The following SRBD1 variants were observed in gnomAD, a reference collection of about 807,000 sequenced individuals.
The protein encoded by SRBD1 is S1 RNA binding domain 1, also known as S1 RNA-binding domain-containing protein 1.
Under a neutral mutation model 115.3 loss-of-function variants are expected in SRBD1, and 88 were observed. The ratio of observed to expected loss-of-function variants is 0.76; its 90% confidence interval spans 0.64 to 0.91. The LOEUF is 0.91. SRBD1 is among the 40% of genes least tolerant of loss of function. The pLI, the probability that SRBD1 is intolerant of heterozygous loss-of-function variation, is 0.00. For missense variants in SRBD1, 1,385 were observed against 1,177.4 expected, an observed-to-expected ratio of 1.18 and a Z score of -2.58; for synonymous variants, 509 against 407.7, an observed-to-expected ratio of 1.25 and a Z score of -2.99.
chr2:45,426,850 A>G (rs924661944), intron 16 of SRBD1, among the ~76,000 whole-genome samples: 3 of 152,326 alleles, frequency 2.0e-5, no homozygotes, highest in African/African-American at 7.2e-5. Flanking sequence ...GAAGGTCACC[A>G]ACATCAAAGA....
At chr2:45,560,081 T>C (rs776407672) in intron 10 of SRBD1, among the ~76,000 whole-genome samples, 7 of 151,376 alleles carry the variant, frequency 4.6e-5, no homozygotes, top group Non-Finnish European at 1.0e-4. Context: ...TGAGACCCTG[T>C]CTCAAAAAAG....
chr2:45,484,546 T>A (rs940558444), intron 15 of SRBD1, among the ~76,000 whole-genome samples: 3 of 152,144 alleles, frequency 2.0e-5, no homozygotes, highest in African/African-American at 7.2e-5. Flanking sequence ...GTTCCTCAAT[T>A]GTGTGGAAGG....
At chr2:45,449,658 T>A (rs1343800102) in intron 16 of SRBD1, among the ~76,000 whole-genome samples, 1 of 152,146 alleles carries the variant, frequency 6.6e-6, no homozygotes, top group Admixed American at 6.6e-5. Flanking sequence ...AACCCCGAAG[T>A]TTTTTTCAGA....
At chr2:45,416,483 T>G (rs970461941) in intron 18 of SRBD1, among the ~76,000 whole-genome samples, 15 of 152,128 alleles carry the variant, frequency 9.9e-5, no homozygotes, top group African/African-American at 3.4e-4. Flanking sequence ...TTACAGCCCA[T>G]CCATACAATT....
chr2:45,423,761 G>A (rs1425970853), intron 16 of SRBD1, among the ~76,000 whole-genome samples: 1 of 152,030 alleles, frequency 6.6e-6, no homozygotes, highest in African/African-American at 2.4e-5. Flanking sequence ...CATTTGAACT[G>A]ATTTCCTATG....
chr2:45,392,133 C>A (rs956040523), intron 20 of SRBD1, among the ~76,000 whole-genome samples: 3 of 151,842 alleles, frequency 2.0e-5, no homozygotes, highest in Non-Finnish European at 4.4e-5. Flanking sequence ...TAAAAAAAAA[C>A]AAAACAACCC....
At position 45,541,126 on chromosome 2, in the gene SRBD1, C is replaced by T. The variant is rs541350684; in HGVS notation, c.1874+5606G>A. Among the ~76,000 whole-genome samples, 21 of 152,334 alleles carry T rather than the reference C, an allele frequency of 1.4e-4. No individual in the cohort carries two copies. The South Asian group carries it at 2.7e-3, about 20-fold the overall frequency. On this transcript the variant is annotated intron_variant, in intron 14 of 20. Transcript: ENST00000263736. The stretch of plus-strand genomic sequence containing the variant: ...GCGGTGTGTGAGTGAGCACAGGGTC[C>T]GGCCACTGTGCAGAGCTAGGCGTGC...
chr2:45,424,054 G>T (rs1558383644), intron 16 of SRBD1, among the ~76,000 whole-genome samples: 1 of 152,012 alleles, frequency 6.6e-6, no homozygotes, highest in Non-Finnish European at 1.5e-5. Flanking sequence ...CAAAAACATT[G>T]ACTTACATAT....
chr2:45,568,453 T>C (rs1672904567), intron 9 of SRBD1, among the ~76,000 whole-genome samples: 1 of 152,182 alleles, frequency 6.6e-6, no homozygotes, highest in Admixed American at 6.5e-5. Flanking sequence ...TGGGAAGCTG[T>C]TTTTGTAACC....
intron 14 of SRBD1, among the ~76,000 whole-genome samples, chr2:45,527,584 A>C (rs906793639): frequency 5.9e-5 from 9 of 151,876 alleles, no homozygotes; most frequent in African/African-American, 2.2e-4. Flanking sequence ...AGTTATAATA[A>C]AAATAACTGC....
At chr2:45,414,500 TGTGTGTGTACACACATAGTGTGTATATA>T (rs764903041) in intron 18 of SRBD1, among the ~76,000 whole-genome samples, 2 of 148,954 alleles carry the variant, frequency 1.3e-5, no homozygotes, top group East Asian at 3.9e-4. Flanking sequence ...GTGTATATAG[TGTGTGTGTACACACATAGTGTGTATATA>T]GTGTGTGTAC....
chr2:45,414,499 G>C (rs1667707625), intron 18 of SRBD1, among the ~76,000 whole-genome samples: 1 of 146,966 alleles, frequency 6.8e-6, no homozygotes, highest in Admixed American at 6.8e-5. Flanking sequence ...TGTGTATATA[G>C]TGTGTGTGTA....
intron 16 of SRBD1, among the ~76,000 whole-genome samples, chr2:45,454,321 G>C (rs1476895328): frequency 6.6e-6 from 1 of 151,846 alleles, no homozygotes; most frequent in African/African-American, 2.4e-5. Flanking sequence ...ATCTCAGGTG[G>C]TGGTAAATTG....
intron 18 of SRBD1, among the ~76,000 whole-genome samples, chr2:45,414,221 T>C (rs1218747569): frequency 1.3e-5 from 2 of 152,104 alleles, no homozygotes; most frequent in East Asian, 1.9e-4. Flanking sequence ...TTGAAATCAT[T>C]TGCAGGTATG....
intron 16 of SRBD1, among the ~76,000 whole-genome samples, chr2:45,470,209 A>G (rs1324420027): frequency 6.6e-6 from 1 of 152,218 alleles, no homozygotes; most frequent in Non-Finnish European, 1.5e-5. Flanking sequence ...CATGTTGACT[A>G]TAAAACAGTT....
intron 16 of SRBD1, among the ~76,000 whole-genome samples, chr2:45,472,105 T>C (rs1016315013): frequency 5.3e-5 from 8 of 151,946 alleles, no homozygotes; most frequent in Non-Finnish European, 7.4e-5. Context: ...ATGAACAAAA[T>C]ATCTCACACA....
At chr2:45,418,673 G>C (rs116601331) in intron 17 of SRBD1, 132 bp from the exon 18 acceptor site, 3 of 347,634 alleles carry the variant, frequency 8.6e-6, no homozygotes, top group Non-Finnish European at 1.1e-5. Context: ...CCAAAAGGGA[G>C]TTTAAAAAAA....
chr2:45,573,008 A>G (rs377595407), intron 9 of SRBD1, among the ~76,000 whole-genome samples, 199 bp downstream of exon 9: 46 of 152,262 alleles, frequency 3.0e-4, no homozygotes, highest in Admixed American at 7.2e-4. Context: ...ATAATTCTCA[A>G]TGTCACTTGT....
chr2:45,609,962 CATA>C (rs1674393334), intron 1 of SRBD1, among the ~76,000 whole-genome samples: 1 of 152,106 alleles, frequency 6.6e-6, no homozygotes, highest in Non-Finnish European at 1.5e-5. Context: ...ATTAAATGAA[CATA>C]ATATGTACAA....
Sources: gnomAD v4.1 joint callset for allele counts (sites outside exome capture counted in the v4.1 genomes callset) on GRCh38, gnomAD v4.1.1 for gene constraint, MANE v1.5 for transcripts, NCBI Gene and HGNC (gene_info 2026-07-23, HGNC 2026-07-21) for gene names.